KCNT2: variants seen among roughly 807,000 people sequenced by gnomAD.
KCNT2 encodes potassium sodium-activated channel subfamily T member 2.
Under a neutral mutation model 153.8 loss-of-function variants are expected in KCNT2, and 67 were observed. The observed-to-expected ratio is 0.44, with a 90% CI of 0.36 to 0.53. The LOEUF is 0.53. KCNT2 is among the 20% of genes least tolerant of loss of function. The probability of loss-of-function intolerance (pLI) is 0.00; values close to 1 mark genes in which losing one functional copy is unlikely to be tolerated. For synonymous variants in KCNT2, 500 were observed against 458.8 expected, an observed-to-expected ratio of 1.09 and a Z score of -1.15; for missense variants, 975 against 1,354.8, an observed-to-expected ratio of 0.72 and a Z score of 4.40.
At chr1:196,244,824 G>T (rs111689398) in intron 26 of KCNT2, among the ~76,000 whole-genome samples, 7,396 of 152,154 alleles carry the variant, frequency 0.049, 280 homozygotes, top group Non-Finnish European at 0.071. Context: ...GCCACCTTCT[G>T]TTTGTAGAGC....
rs1207641492 is a variant in KCNT2 at position 196,342,195 on chromosome 1, C to A, written c.1437G>T (p.Lys479Asn). The stretch of plus-strand genomic sequence containing the variant: ...CATTCCCGGAGCATCTACCGTACAT[C>A]TTCTGCCATTGTTCTGGCGATTGCT... ...EGQQSPEQWQ[K>N]MYGRCSGNEV... The change falls in exon 15 of 28, where the codon AAG becomes AAT. Residue 479 changes from lysine (K) to asparagine (N), a missense_variant. Physicochemically the swap from Lys to Asn is moderately conservative, Grantham distance 94. This residue lies in a region of KCNT2 where 325 missense variants were observed against 388.1 expected (regional missense o/e 0.84). Coordinates refer to ENST00000294725, the MANE Select transcript of KCNT2 (RefSeq NM_198503.5). 4 of 1,611,632 alleles carry A rather than the reference C, an allele frequency of 2.5e-6. No individual in the cohort carries two copies. Among genetic ancestry groups the A allele is most frequent in the Non-Finnish European group, 2.5e-6 (3 of 1,179,036 alleles).
At chr1:196,367,214 T>G (rs1401101026) in intron 14 of KCNT2, among the ~76,000 whole-genome samples, 1 of 152,140 alleles carries the variant, frequency 6.6e-6, no homozygotes, top group East Asian at 1.9e-4. Context: ...ACATTAAAAT[T>G]CAGGTAAAGA....
intron 1 of KCNT2, among the ~76,000 whole-genome samples, chr1:196,555,852 C>T (rs1229166530): frequency 6.6e-6 from 1 of 151,054 alleles, no homozygotes; most frequent in African/African-American, 2.4e-5. Flanking sequence ...AATCCACATC[C>T]CTATGGTGAT....
At chr1:196,544,683 G>A (rs1043077194) in intron 1 of KCNT2, among the ~76,000 whole-genome samples, 9 of 152,022 alleles carry the variant, frequency 5.9e-5, no homozygotes, top group East Asian at 1.9e-4. Flanking sequence ...GGATGGTTTG[G>A]TGACTTTCTT....
chr1:196,326,672 A>G lies in KCNT2; in HGVS notation c.2276+45T>C, dbSNP rs771068025. Reference sequence around the variant, plus strand: ...TATTTTTGATATACATTAACATACTATTAAAAACAGTTTATCTTGTTTGTG... The same window carrying G: ...TATTTTTGATATACATTAACATACTGTTAAAAACAGTTTATCTTGTTTGTG... On this transcript the variant is annotated intron_variant, in intron 19 of 27. Transcript: ENST00000294725. The G allele has an allele frequency of 7.6e-6, 9 of 1,177,196 alleles. No individual in the cohort carries two copies. In the Admixed American group the frequency reaches 2.2e-4, roughly 29 times the overall value. The allele number at this position is 1,177,196 out of a possible 1,614,324, so 72.9% of individuals were successfully genotyped here.
At chr1:196,564,281 G>GA (rs887197663) in intron 1 of KCNT2, among the ~76,000 whole-genome samples, 41 of 151,366 alleles carry the variant, frequency 2.7e-4, no homozygotes, top group African/African-American at 8.5e-4. Flanking sequence ...AAATACTTAG[G>GA]AAAAAAATTA....
At chr1:196,558,652 A>G (rs1572826718) in intron 1 of KCNT2, among the ~76,000 whole-genome samples, 2 of 151,536 alleles carry the variant, frequency 1.3e-5, no homozygotes, top group Admixed American at 1.3e-4. Context: ...GCTGACTTAA[A>G]TAAGTTTATG....
intron 12 of KCNT2, among the ~76,000 whole-genome samples, chr1:196,413,723 C>T (rs1455878113): frequency 2.0e-5 from 3 of 151,720 alleles, no homozygotes; most frequent in Middle Eastern, 3.4e-3. Context: ...GAAAAAAGTG[C>T]TATGGCACTT....
intron 1 of KCNT2, among the ~76,000 whole-genome samples, chr1:196,504,326 C>G (rs1000938688): frequency 6.7e-6 from 1 of 148,296 alleles, no homozygotes; most frequent in African/African-American, 2.5e-5. Flanking sequence ...TGAGTGAGAA[C>G]ATGCGGTGTT....
chr1:196,255,736 C>T (rs878891841), intron 26 of KCNT2, among the ~76,000 whole-genome samples: 3 of 151,778 alleles, frequency 2.0e-5, no homozygotes, highest in Admixed American at 2.0e-4. Context: ...TTACTTAAAA[C>T]CTTGGTTTCA....
Position 196,608,387 on chromosome 1 carries a change from A to T in KCNT2, c.-78T>A. 8.9e-7 allele frequency: 1 copy of T among 1,124,464 alleles called. No homozygotes were observed. 69.7% of individuals were successfully genotyped at this position (1,124,464 alleles called of 1,614,324 possible). Reference sequence around the variant, plus strand: ...AAAGAAAGAAAATATTGCGGAGTACAGGGAGAGGACTAACAAGACGCTGTG... The same window carrying T: ...AAAGAAAGAAAATATTGCGGAGTACTGGGAGAGGACTAACAAGACGCTGTG... On this transcript the variant is annotated 5_prime_UTR_variant, in exon 1 of 28. Coordinates refer to ENST00000294725, the MANE Select transcript of KCNT2 (RefSeq NM_198503.5).
intron 14 of KCNT2, among the ~76,000 whole-genome samples, chr1:196,351,507 T>C (rs1666692701): frequency 6.6e-6 from 1 of 152,022 alleles, no homozygotes; most frequent in Non-Finnish European, 1.5e-5. Flanking sequence ...TCTCTGTTTG[T>C]CTGTTATTGG....
At chr1:196,480,916 T>C in intron 4 of KCNT2, among the ~76,000 whole-genome samples, 1 of 150,020 alleles carries the variant, frequency 6.7e-6, no homozygotes, top group East Asian at 1.9e-4. Flanking sequence ...AATATCACTG[T>C]TTTAAAAAGC....
chr1:196,411,774 T>A (rs1438733719), intron 12 of KCNT2, among the ~76,000 whole-genome samples: 3 of 151,808 alleles, frequency 2.0e-5, no homozygotes, highest in Non-Finnish European at 4.4e-5. Flanking sequence ...CTACATAAAA[T>A]AGTTCTCCCT....
chr1:196,595,817 T>G (rs10754195), intron 1 of KCNT2, among the ~76,000 whole-genome samples: 72,665 of 151,478 alleles, frequency 0.48, 19,808 homozygotes, highest in Middle Eastern at 0.73. Context: ...ACACAATATA[T>G]AGTCTTTTAA....
chr1:196,345,000 C>T (rs961446018), intron 14 of KCNT2, among the ~76,000 whole-genome samples: 1 of 152,066 alleles, frequency 6.6e-6, no homozygotes, highest in Admixed American at 6.6e-5. Context: ...AAATGCTAGA[C>T]ATCAATATTA....
chr1:196,313,836 C>T (rs1306942210), intron 21 of KCNT2, among the ~76,000 whole-genome samples: 1 of 151,502 alleles, frequency 6.6e-6, no homozygotes, highest in African/African-American at 2.4e-5. Flanking sequence ...CAAAACTATT[C>T]AGTCTAGATT....
chr1:196,342,240 G>GCA lies in KCNT2; in HGVS notation c.1404-14_1404-13dup, dbSNP rs1665705721. The GCA allele has an allele frequency of 1.9e-6, 3 of 1,606,184 alleles. No individual in the cohort carries two copies. The highest frequency in any genetic ancestry group is 2.6e-6 in the Non-Finnish European group (3 of 1,175,992). ...ATTGCTGGCCTTCTCTGCAACACAGGCACACACACATACACACACACAAAA... is the reference window on the plus strand; with the variant it reads ...ATTGCTGGCCTTCTCTGCAACACAGGCACACACACACATACACACACACAAAA... On this transcript the variant is annotated splice_polypyrimidine_tract_variant and intron_variant, in intron 14 of 27. Transcript: ENST00000294725.
At chr1:196,429,463 G>T in intron 9 of KCNT2, 114 bp downstream of exon 9, 2 of 556,374 alleles carry the variant, frequency 3.6e-6, no homozygotes, top group Non-Finnish European at 6.3e-6. Context: ...ATGATAGTAT[G>T]TGTTAGTAAA....
Sources: allele counts gnomAD v4.1 joint callset (sites outside exome capture counted in the v4.1 genomes callset), GRCh38; gene constraint gnomAD v4.1.1; regional missense constraint gnomAD v4.1.1; transcripts MANE v1.5; gene names NCBI Gene and HGNC (gene_info 2026-07-23, HGNC 2026-07-21).